Variants in ATXN1 observed in about 807,000 individuals in gnomAD.
ATXN1 encodes ataxin 1, also known as ataxin-1.
ATXN1 carries 8 observed loss-of-function variants against 56.4 expected under a neutral mutation model. The observed-to-expected ratio is 0.14, with a 90% confidence interval of 0.08 to 0.26. The LOEUF is 0.26. Among genes scored for constraint, ATXN1 ranks in the 10% least tolerant of loss-of-function variants. The pLI, the probability that ATXN1 is intolerant of heterozygous loss-of-function variation, is 1.00. For missense variants in ATXN1, 987 were observed against 1,106.5 expected, an observed-to-expected ratio of 0.89 and a Z score of 1.53; for synonymous variants, 514 against 494.6, an observed-to-expected ratio of 1.04 and a Z score of -0.52.
intron 2 of ATXN1, among the ~76,000 whole-genome samples, chr6:16,670,683 T>C (rs1049754753): frequency 9.2e-5 from 14 of 152,226 alleles, no homozygotes; most frequent in African/African-American, 3.4e-4. Flanking sequence ...CCAAGTCGCA[T>C]TGATGCATTT....
At chr6:16,502,252 T>C (rs1467112846) in intron 5 of ATXN1, among the ~76,000 whole-genome samples, 1 of 152,224 alleles carries the variant, frequency 6.6e-6, no homozygotes, top group African/African-American at 2.4e-5. Flanking sequence ...GTTTAAAAAC[T>C]GACATCTTCA....
intron 6 of ATXN1, among the ~76,000 whole-genome samples, chr6:16,456,868 T>C (rs560876227): frequency 4.8e-4 from 73 of 152,326 alleles, no homozygotes; most frequent in African/African-American, 1.7e-3. Context: ...CAAAGCCCTG[T>C]TGTGGGGGAC....
chr6:16,523,724 T>C (rs539520506), intron 4 of ATXN1, among the ~76,000 whole-genome samples: 2 of 152,228 alleles, frequency 1.3e-5, no homozygotes, highest in African/African-American at 4.8e-5. Context: ...AGGCCACATA[T>C]CAGGCTGACT....
chr6:16,707,741 T>C (rs760948452), intron 2 of ATXN1, among the ~76,000 whole-genome samples: 35 of 151,922 alleles, frequency 2.3e-4, no homozygotes, highest in Non-Finnish European at 4.6e-4. Flanking sequence ...TGGTTATGAG[T>C]GGGGGAGTCA....
At chr6:16,355,839 C>G (rs1176773668) in intron 6 of ATXN1, among the ~76,000 whole-genome samples, 1 of 152,104 alleles carries the variant, frequency 6.6e-6, no homozygotes, top group African/African-American at 2.4e-5. Context: ...GCTGGGATTA[C>G]AGGCGTGAGG....
At chr6:16,432,714 T>TC (rs1242336540) in intron 6 of ATXN1, 3 of 127,368 alleles carry the variant, frequency 2.4e-5, no homozygotes, top group Non-Finnish European at 3.4e-5. Context: ...CTTCTTCTTC[T>TC]TTTTTTTTTT....
intron 3 of ATXN1, among the ~76,000 whole-genome samples, chr6:16,646,373 A>T (rs1213084162): frequency 6.6e-6 from 1 of 152,218 alleles, no homozygotes; most frequent in African/African-American, 2.4e-5. Context: ...CCATTTTCTC[A>T]TCTGTAAAAT....
At chr6:16,694,789 T>C (rs1759126461) in intron 2 of ATXN1, among the ~76,000 whole-genome samples, 1 of 152,086 alleles carries the variant, frequency 6.6e-6, no homozygotes, top group African/African-American at 2.4e-5. Flanking sequence ...GTGACAGAGG[T>C]TTCACTGCTA....
intron 2 of ATXN1, among the ~76,000 whole-genome samples, chr6:16,719,832 C>G (rs1759711249): frequency 6.6e-6 from 1 of 152,154 alleles, no homozygotes; most frequent in African/African-American, 2.4e-5. Context: ...CAAGGAACGC[C>G]TGGAACCACC....
chr6:16,539,880 C>G (rs971807679), intron 4 of ATXN1, among the ~76,000 whole-genome samples: 5 of 152,152 alleles, frequency 3.3e-5, no homozygotes, highest in Non-Finnish European at 7.3e-5. Context: ...AGGCAGATGA[C>G]ACACCGAAGG....
intron 6 of ATXN1, among the ~76,000 whole-genome samples, chr6:16,395,719 A>C (rs113000917): frequency 6.6e-6 from 1 of 152,230 alleles, no homozygotes; most frequent in Middle Eastern, 3.4e-3. Flanking sequence ...CTTTCTACCT[A>C]TAAGAAATTA....
intron 2 of ATXN1, among the ~76,000 whole-genome samples, chr6:16,724,370 TTTC>T (rs1759805296): frequency 1.3e-5 from 2 of 152,170 alleles, no homozygotes; most frequent in Admixed American, 1.3e-4. Flanking sequence ...GCATCAAAGT[TTTC>T]TTCTAAGCAT....
chr6:16,347,279 G>C (rs536532366), intron 6 of ATXN1, among the ~76,000 whole-genome samples: 1 of 152,274 alleles, frequency 6.6e-6, no homozygotes, highest in Non-Finnish European at 1.5e-5. Context: ...GATCCACTAG[G>C]TGAAGCCAGC....
At chr6:16,412,229 T>C (rs879926161) in intron 6 of ATXN1, among the ~76,000 whole-genome samples, 3 of 152,180 alleles carry the variant, frequency 2.0e-5, no homozygotes, top group Non-Finnish European at 4.4e-5. Flanking sequence ...AGGGATTCAG[T>C]CCAGAACTTT....
intron 4 of ATXN1, among the ~76,000 whole-genome samples, chr6:16,566,472 C>T (rs1234514291): frequency 6.6e-6 from 1 of 152,002 alleles, no homozygotes; most frequent in Non-Finnish European, 1.5e-5. Context: ...AACTCCTGGG[C>T]TCAAGCGATC....
chr6:16,392,684 C>T (rs1205662557), intron 6 of ATXN1, among the ~76,000 whole-genome samples: 2 of 152,034 alleles, frequency 1.3e-5, no homozygotes, highest in Non-Finnish European at 2.9e-5. Context: ...TTAGTAGAGA[C>T]AGGGTTTCAT....
chr6:16,694,002 A>T (rs551843401), intron 2 of ATXN1, among the ~76,000 whole-genome samples: 2 of 152,374 alleles, frequency 1.3e-5, no homozygotes, highest in Non-Finnish European at 2.9e-5. Context: ...ATGTGCAGAA[A>T]TACAAAAGTC....
chr6:16,325,200 C>G (rs1172566903), intron 7 of ATXN1, among the ~76,000 whole-genome samples: 1 of 151,756 alleles, frequency 6.6e-6, no homozygotes, highest in African/African-American at 2.4e-5. Flanking sequence ...TCACTGCAAT[C>G]CCCACCTCCC....
chr6:16,755,172 G>A (rs577830389), intron 1 of ATXN1, among the ~76,000 whole-genome samples: 2 of 152,320 alleles, frequency 1.3e-5, no homozygotes, highest in African/African-American at 2.4e-5. Context: ...CAAACATGAT[G>A]TAAATGCCAT....
Sources: allele counts gnomAD v4.1 joint callset (sites outside exome capture counted in the v4.1 genomes callset), GRCh38; gene constraint gnomAD v4.1.1; transcripts MANE v1.5; gene names NCBI Gene and HGNC (gene_info 2026-07-23, HGNC 2026-07-21).